The following ATP7B variants were observed in gnomAD, a reference collection of about 807,000 sequenced individuals.
ATP7B encodes the protein ATPase copper transporting beta, also known as copper-transporting ATPase 2.
In ATP7B, 113 loss-of-function variants were observed where a neutral mutation model predicts 118.9. That is an observed-to-expected ratio of 0.95 (90% confidence interval 0.82 to 1.11). ATP7B has a LOEUF of 1.11. Ranked by LOEUF, ATP7B falls within the 50% of genes most tolerant of loss-of-function variation. The probability of loss-of-function intolerance (pLI) is 0.00; values close to 1 mark genes in which losing one functional copy is unlikely to be tolerated. For synonymous variants in ATP7B, 777 were observed against 727.4 expected (o/e 1.07, Z -1.10); for missense variants, 1,867 against 1,871.4 (o/e 1.00, Z 0.04).
intron 1 of ATP7B, among the ~76,000 whole-genome samples, chr13:52,010,499 GAT>G (rs1296838145): frequency 1.3e-5 from 2 of 152,202 alleles, no homozygotes; most frequent in Non-Finnish European, 2.9e-5. Context: ...AATAAACTAT[GAT>G]GCGTCCAAAC....
intron 15 of ATP7B, among the ~76,000 whole-genome samples, chr13:51,942,060 G>A (rs1419009660): frequency 6.6e-6 from 1 of 152,196 alleles, no homozygotes; most frequent in Non-Finnish European, 1.5e-5. Context: ...ATACAGAATG[G>A]AAACAGGAAG....
intron 19 of ATP7B, among the ~76,000 whole-genome samples, 155 bp from the exon 20 acceptor site, chr13:51,935,850 C>A (rs953856526): frequency 1.3e-5 from 2 of 152,200 alleles, no homozygotes; most frequent in Admixed American, 1.3e-4. Flanking sequence ...CCCACAGGCC[C>A]CCCCCAAAGT....
Position 51,960,341 on chromosome 13 carries a change from A to G in ATP7B, c.1947-19T>C. ...CTTCCACCTGGAAAGCAAATGCAGC[A>G]ACACAGATATATCAGATGCTGCTTG... On this transcript the variant is annotated intron_variant, in intron 6 of 20. Coordinates refer to ENST00000242839, the MANE Select transcript of ATP7B (RefSeq NM_000053.4). 6.2e-7 allele frequency: 1 copy of G among 1,611,304 alleles called. No individual in the cohort carries two copies. Among genetic ancestry groups the G allele is most frequent in the Non-Finnish European group, 8.5e-7 (1 of 1,179,168 alleles).
intron 1 of ATP7B, among the ~76,000 whole-genome samples, chr13:51,984,607 T>C (rs1952566405): frequency 6.6e-6 from 1 of 151,992 alleles, no homozygotes; most frequent in South Asian, 2.1e-4. Flanking sequence ...CCAAGACACA[T>C]AATCGTCAGA....
At chr13:51,986,233 A>G (rs910009390) in intron 1 of ATP7B, among the ~76,000 whole-genome samples, 30 of 152,210 alleles carry the variant, frequency 2.0e-4, no homozygotes, top group African/African-American at 7.2e-4. Context: ...TAAAGGAGAT[A>G]TCACCACCGA....
At chr13:51,966,358 G>A (rs567472386) in intron 4 of ATP7B, among the ~76,000 whole-genome samples, 1 of 152,316 alleles carries the variant, frequency 6.6e-6, no homozygotes, top group African/African-American at 2.4e-5. Flanking sequence ...GCAGCATGAG[G>A]TGAGTCTTCT....
chr13:51,958,798 G>T, intron 7 of ATP7B: 6 of 515,426 alleles, frequency 1.2e-5, no homozygotes, highest in East Asian at 7.0e-5. Flanking sequence ...TCTAATAAGA[G>T]AATGGTGAAA....
chr13:51,968,301 A>G, intron 4 of ATP7B, 143 bp downstream of exon 4: 1 of 1,270,874 alleles, frequency 7.9e-7, no homozygotes, highest in South Asian at 1.3e-5. Flanking sequence ...TCGGCTTCAA[A>G]GGAAAGTGAA....
At position 51,970,598 on chromosome 13, in the gene ATP7B, T is replaced by C; in HGVS notation, c.1437A>G (p.Pro479=). ...NHAPDILAKS[P]QSTRAVAPQK... is the part of the protein sequence containing the mutation. The stretch of plus-strand genomic sequence containing the variant: ...GCGGTGCCACTGCTCTGGTTGATTG[T>C]GGGGACTTTGCCAAGATGTCCGGGG... The change falls in exon 3 of 21, where the codon CCA becomes CCG. Residue 479 remains proline (P), a synonymous_variant. Coordinates refer to ENST00000242839, the MANE Select transcript of ATP7B (RefSeq NM_000053.4). 4 of 1,614,100 alleles carry C rather than the reference T, an allele frequency of 2.5e-6. No homozygotes were observed. The highest frequency in any genetic ancestry group is 1.6e-4 in the Middle Eastern group (1 of 6,062).
intron 7 of ATP7B, chr13:51,959,213 T>C (rs1410507347): frequency 6.5e-6 from 1 of 153,316 alleles, no homozygotes; most frequent in Non-Finnish European, 1.5e-5. Flanking sequence ...ACATTACACT[T>C]ATAATCAAAC....
chr13:51,997,935 C>T (rs1566659869), intron 1 of ATP7B, among the ~76,000 whole-genome samples: 1 of 152,226 alleles, frequency 6.6e-6, no homozygotes, highest in East Asian at 1.9e-4. Flanking sequence ...TCCTTTGCTC[C>T]CATAGAATCT....
rs778475094 is a variant in ATP7B at position 51,968,457 on chromosome 13, T to C, written c.1694A>G (p.Asn565Ser). ...CACAGTACTTACTGTCAGCTCAATG[T>C]TGCCATCGGAGCCTGCGTAGTCCTC... is the stretch of plus-strand genomic sequence containing the variant. ...VMEDYAGSDG[N>S]IELTITGMTC... The change falls in exon 4 of 21, where the codon AAC becomes AGC. Residue 565 changes from asparagine to serine, a missense_variant. Asn to Ser is a conservative substitution (Grantham distance 46). Coordinates refer to ENST00000242839, the MANE Select transcript of ATP7B (RefSeq NM_000053.4). The C allele has an allele frequency of 3.1e-6, 5 of 1,614,092 alleles. No homozygotes were observed. The highest frequency in any genetic ancestry group is 3.4e-6 in the Non-Finnish European group (4 of 1,180,042).
chr13:51,970,222 G>A (rs1294282571), intron 3 of ATP7B, among the ~76,000 whole-genome samples: 1 of 152,192 alleles, frequency 6.6e-6, no homozygotes, highest in African/African-American at 2.4e-5. Context: ...CAACCTAACT[G>A]AGAAGTCTAT....
At chr13:51,946,671 A>C (rs982514889) in intron 12 of ATP7B, 193 bp from the exon 13 acceptor site, 17 of 667,520 alleles carry the variant, frequency 2.5e-5, no homozygotes, top group Non-Finnish European at 4.2e-5. Context: ...CAGCTATCCA[A>C]CTTCATCCTA....
upstream of ATP7B, chr13:52,011,613 G>C: frequency 8.8e-6 from 5 of 570,068 alleles, no homozygotes; most frequent in East Asian, 6.1e-5. Context: ...GGGAGAGTGG[G>C]CCTCGGACCC....
intron 17 of ATP7B, among the ~76,000 whole-genome samples, chr13:51,938,539 A>G (rs943002805): frequency 6.6e-6 from 1 of 152,238 alleles, no homozygotes; most frequent in African/African-American, 2.4e-5. Context: ...AGCTCTGCAC[A>G]CATTTGGAGG....
upstream of ATP7B, chr13:52,012,131 A>G: frequency 1.8e-6 from 1 of 556,182 alleles, no homozygotes; most frequent in Non-Finnish European, 3.2e-6. Context: ...CTAGTGGGGG[A>G]GGTGGCCGAG....
intron 1 of ATP7B, among the ~76,000 whole-genome samples, chr13:52,004,708 CT>C (rs951257369): frequency 6.6e-6 from 1 of 152,204 alleles, no homozygotes; most frequent in African/African-American, 2.4e-5. Context: ...CTTACAAAGT[CT>C]TTCCCTCATT....
chr13:51,985,981 C>A (rs982556650), intron 1 of ATP7B, among the ~76,000 whole-genome samples: 4 of 152,242 alleles, frequency 2.6e-5, no homozygotes, highest in African/African-American at 9.6e-5. Flanking sequence ...AAAATCAACA[C>A]CCTAACACCA....
Sources: allele counts gnomAD v4.1 joint callset (sites outside exome capture counted in the v4.1 genomes callset), GRCh38; gene constraint gnomAD v4.1.1; transcripts MANE v1.5; gene names NCBI Gene and HGNC (gene_info 2026-07-23, HGNC 2026-07-21).